The following CNOT6 variants were observed in gnomAD, a reference collection of about 807,000 sequenced individuals.
The protein encoded by CNOT6 is carbon catabolite repression 4 protein.
CNOT6 carries 12 observed loss-of-function variants against 61.2 expected under a neutral mutation model. The ratio of observed to expected loss-of-function variants is 0.20; its 90% CI spans 0.13 to 0.32. The LOEUF (loss-of-function observed/expected upper bound fraction) is 0.32. CNOT6 is among the 10% of genes least tolerant of loss of function. The probability of loss-of-function intolerance (pLI) is 1.00; values close to 1 mark genes in which losing one functional copy is unlikely to be tolerated. For synonymous variants in CNOT6, 225 were observed against 240.6 expected (o/e 0.94, Z 0.60); for missense variants, 405 against 663.9 (o/e 0.61, Z 4.28).
chr5:180,541,206 T>A (rs1263264614), intron 2 of CNOT6, among the ~76,000 whole-genome samples: 1 of 151,774 alleles, frequency 6.6e-6, no homozygotes, highest in Non-Finnish European at 1.5e-5. Context: ...TGGCACAATC[T>A]CACCTCACTG....
At chr5:180,529,471 A>G in intron 2 of CNOT6, 83 bp downstream of exon 2, 1 of 743,152 alleles carries the variant, frequency 1.3e-6, no homozygotes, top group Non-Finnish European at 2.3e-6. Context: ...TACAGGAAAG[A>G]AACATTGATT....
chr5:180,540,979 T>C (rs1344350046), intron 2 of CNOT6, among the ~76,000 whole-genome samples: 1 of 152,162 alleles, frequency 6.6e-6, no homozygotes, highest in Non-Finnish European at 1.5e-5. Flanking sequence ...TGCCAGTGAT[T>C]TTTTTGTTTT....
At chr5:180,572,054 T>C (rs1243448531) in intron 11 of CNOT6, among the ~76,000 whole-genome samples, 1 of 152,248 alleles carries the variant, frequency 6.6e-6, no homozygotes, top group Non-Finnish European at 1.5e-5. Context: ...TAGCTAGATA[T>C]GCAGCACCAT....
In CNOT6 at chr5:180,494,957, C is replaced by G. The variant is rs565273947; in HGVS notation, c.-3+194C>G. Among the ~76,000 whole-genome samples, 11 of 151,342 alleles carry G rather than the reference C, an allele frequency of 7.3e-5. No homozygotes were observed. The East Asian group carries it at 1.8e-3, about 25-fold the overall frequency. On this transcript the variant is annotated intron_variant, in intron 1 of 11. Transcript: ENST00000261951. The stretch of plus-strand genomic sequence containing the variant: ...ATCGCGCCCCGCCCCGGGCCGCGCC[C>G]CCGGGCCGAGTCCCTGGGAGGGGGG...
chr5:180,539,173 C>CAAAAAAAAAAAAAAAAAAAAAAAAAAAA, intron 2 of CNOT6, among the ~76,000 whole-genome samples: 1 of 93,252 alleles, frequency 1.1e-5, no homozygotes, highest in Non-Finnish European at 2.0e-5. Flanking sequence ...GACTCCATCT[C>CAAAAAAAAAAAAAAAAAAAAAAAAAAAA]AAAAAAAAAA....
At chr5:180,554,790 T>C (rs562870303) in intron 4 of CNOT6, among the ~76,000 whole-genome samples, 2 of 152,182 alleles carry the variant, frequency 1.3e-5, no homozygotes, top group Non-Finnish European at 2.9e-5. Context: ...TACTTTATCA[T>C]TTTTGTGTAT....
chr5:180,533,805 ATTAT>A (rs887129279), intron 2 of CNOT6, among the ~76,000 whole-genome samples: 1 of 152,100 alleles, frequency 6.6e-6, no homozygotes, highest in African/African-American at 2.4e-5. Flanking sequence ...CAATCTGTTT[ATTAT>A]TTATTTATCC....
At chr5:180,529,054 C>G (rs2127720166) in intron 1 of CNOT6, among the ~76,000 whole-genome samples, 1 of 152,072 alleles carries the variant, frequency 6.6e-6, no homozygotes, top group African/African-American at 2.4e-5. Context: ...ATTAAAAATA[C>G]AAAAATGAGC....
intron 5 of CNOT6, 38 bp from the exon 6 acceptor site, chr5:180,564,637 A>G: frequency 6.2e-7 from 1 of 1,607,494 alleles, no homozygotes; most frequent in African/African-American, 1.3e-5. Context: ...GAAGACGTGT[A>G]AGAATATTGC....
At position 180,578,313 on chromosome 5, in the gene CNOT6, G is replaced by A. The variant is rs1246538536; in HGVS notation, c.*4113G>A. On this transcript the variant is annotated 3_prime_UTR_variant, in exon 12 of 12. Coordinates refer to ENST00000261951, the MANE Select transcript of CNOT6 (RefSeq NM_001370472.1). ...CTCATGTGTCTTCCGTCTTTTGGAAGGAGGTTGACATATTTTAAATAAATG... is the reference window on the plus strand; with the variant it reads ...CTCATGTGTCTTCCGTCTTTTGGAAAGAGGTTGACATATTTTAAATAAATG... 6.6e-6 allele frequency: 1 copy of A among 152,606 alleles called. No homozygotes were observed. The highest frequency in any genetic ancestry group is 1.9e-4 in the East Asian group (1 of 5,198). 9.5% of individuals were successfully genotyped at this position (152,606 alleles called of 1,614,324 possible).
chr5:180,513,125 C>T (rs1757473589), intron 1 of CNOT6, among the ~76,000 whole-genome samples: 1 of 151,776 alleles, frequency 6.6e-6, no homozygotes, highest in South Asian at 2.1e-4. Context: ...TCTGGAACTC[C>T]TGACCTCGTG....
At position 180,525,092 on chromosome 5, in the gene CNOT6, G is replaced by A. The variant is rs189566137; in HGVS notation, c.-2-4183G>A. 3.6e-3 allele frequency among the ~76,000 whole-genome samples: 541 copies of A among 152,120 alleles called. 2 individuals are homozygous for A. Among genetic ancestry groups the A allele is most frequent in the Admixed American group, 5.0e-3 (77 of 15,270 alleles). ...TTTTGTATTGAATATTTTTTTATCC[G>A]TCTAAAAACAGCAGTTATTATATTT... On this transcript the variant is annotated intron_variant, in intron 1 of 11. Coordinates refer to ENST00000261951, the MANE Select transcript of CNOT6 (RefSeq NM_001370472.1).
intron 6 of CNOT6, among the ~76,000 whole-genome samples, chr5:180,565,391 G>A (rs1760401984): frequency 2.6e-5 from 4 of 152,156 alleles, no homozygotes; most frequent in African/African-American, 7.2e-5. Context: ...CTGTGATACC[G>A]TTTTCATTTT....
At chr5:180,553,554 A>G in intron 4 of CNOT6, 83 bp downstream of exon 4, 1 of 997,914 alleles carries the variant, frequency 1.0e-6, no homozygotes, top group Non-Finnish European at 1.5e-6. Flanking sequence ...CTGCTAGGGG[A>G]TTCTTTTAAA....
At chr5:180,504,955 A>ATTTTTTTTTTTTT (rs769852255) in intron 1 of CNOT6, among the ~76,000 whole-genome samples, 4 of 101,494 alleles carry the variant, frequency 3.9e-5, no homozygotes, top group African/African-American at 7.9e-5. Context: ...GTACTAGTTA[A>ATTTTTTTTTTTTT]TTTTTTTTTT....
intron 2 of CNOT6, among the ~76,000 whole-genome samples, chr5:180,544,646 A>G (rs1414690365): frequency 6.6e-6 from 1 of 152,116 alleles, no homozygotes; most frequent in Non-Finnish European, 1.5e-5. Flanking sequence ...AATTATGATC[A>G]CCCTGTATGG....
intron 1 of CNOT6, among the ~76,000 whole-genome samples, chr5:180,526,925 G>C (rs1270290452): frequency 1.3e-5 from 2 of 150,766 alleles, no homozygotes; most frequent in Non-Finnish European, 2.9e-5. Flanking sequence ...TGTCGCCCAG[G>C]CTGGAGTGCA....
intron 2 of CNOT6, among the ~76,000 whole-genome samples, chr5:180,548,450 C>T (rs569925899): frequency 2.0e-5 from 3 of 152,188 alleles, no homozygotes; most frequent in Non-Finnish European, 4.4e-5. Flanking sequence ...CCAGACTTCT[C>T]TCTGTTCTCT....
chr5:180,555,063 G>A (rs533633452), intron 4 of CNOT6, among the ~76,000 whole-genome samples: 1 of 151,826 alleles, frequency 6.6e-6, no homozygotes, highest in Admixed American at 6.6e-5. Flanking sequence ...GAGTGCAGTG[G>A]CATCATGATA....
Sources: gnomAD v4.1 joint callset for allele counts (sites outside exome capture counted in the v4.1 genomes callset) on GRCh38, gnomAD v4.1.1 for gene constraint, MANE v1.5 for transcripts, NCBI Gene and HGNC (gene_info 2026-07-23, HGNC 2026-07-21) for gene names.